ZBTB7C: variants seen among roughly 807,000 people sequenced by gnomAD.
ZBTB7C encodes zinc finger and BTB domain containing 7C.
ZBTB7C carries 8 observed loss-of-function variants against 25.7 expected under a neutral mutation model. The observed-to-expected ratio is 0.31, with a 90% CI of 0.18 to 0.56. The LOEUF is 0.56. ZBTB7C is among the 20% of genes least tolerant of loss of function. The pLI is 0.91. For missense variants in ZBTB7C, 824 were observed against 855.2 expected, an observed-to-expected ratio of 0.96 and a Z score of 0.46; for synonymous variants, 394 against 369.0, an observed-to-expected ratio of 1.07 and a Z score of -0.78.
In ZBTB7C at chr18:48,338,276, G is replaced by A. The variant is rs531476293; in HGVS notation, c.-181C>T. ...AACGCCCAGGCTCCAGGTCTAATGGGCGTGGATTCTGCTCATGCCTCAGGC... is the reference window on the plus strand; with the variant it reads ...AACGCCCAGGCTCCAGGTCTAATGGACGTGGATTCTGCTCATGCCTCAGGC... On this transcript the variant is annotated 5_prime_UTR_variant, in exon 2 of 5. Coordinates refer to ENST00000590800, the MANE Select transcript of ZBTB7C (RefSeq NM_001318841.2). 19 of 152,386 alleles carry A rather than the reference G, an allele frequency of 1.2e-4. No homozygotes were observed. The highest frequency in any genetic ancestry group is 3.6e-4 in the African/African-American group (15 of 41,558). 9.4% of individuals were successfully genotyped at this position (152,386 alleles called of 1,614,324 possible). A position where few individuals can be genotyped will look rare whatever the true frequency, so the allele number is the denominator to read the frequency against.
chr18:48,244,445 CTTAA>C (rs2043621311), intron 2 of ZBTB7C, among the ~76,000 whole-genome samples: 1 of 151,876 alleles, frequency 6.6e-6, no homozygotes, highest in African/African-American at 2.4e-5. Flanking sequence ...ATAGATGGGA[CTTAA>C]TTAAACTAAA....
At chr18:48,136,990 G>T (rs1050803146) in intron 3 of ZBTB7C, 54 of 984,980 alleles carry the variant, frequency 5.5e-5, no homozygotes, top group Non-Finnish European at 6.4e-5. Context: ...GGCGGGCCGA[G>T]GCCGCCGCAG....
intron 1 of ZBTB7C, among the ~76,000 whole-genome samples, chr18:48,399,652 C>T (rs2048114651): frequency 6.6e-6 from 1 of 152,180 alleles, no homozygotes. Flanking sequence ...AGGCAAGCCC[C>T]TTTCCTGTCT....
chr18:48,200,113 T>C (rs1247632040), intron 2 of ZBTB7C, among the ~76,000 whole-genome samples: 1 of 152,100 alleles, frequency 6.6e-6, no homozygotes, highest in African/African-American at 2.4e-5. Context: ...GCCAGTATTC[T>C]TGGAGCCCAG....
intron 3 of ZBTB7C, among the ~76,000 whole-genome samples, chr18:48,082,849 C>T (rs1321259000): frequency 1.3e-5 from 2 of 152,160 alleles, no homozygotes; most frequent in African/African-American, 4.8e-5. Flanking sequence ...CAACTGCCCT[C>T]CACAGGAAGG....
At chr18:48,277,872 C>T (rs920253770) in intron 2 of ZBTB7C, among the ~76,000 whole-genome samples, 5 of 151,594 alleles carry the variant, frequency 3.3e-5, no homozygotes, top group Admixed American at 6.6e-5. Flanking sequence ...TTCCTTTGCG[C>T]CAGATAGCAG....
At chr18:48,186,216 C>T (rs1370780430) in intron 2 of ZBTB7C, among the ~76,000 whole-genome samples, 3 of 152,194 alleles carry the variant, frequency 2.0e-5, no homozygotes, top group Non-Finnish European at 2.9e-5. Context: ...CGCTGCCTCC[C>T]TCTCCCTCCC....
chr18:48,110,475 C>A (rs530577937), intron 3 of ZBTB7C, among the ~76,000 whole-genome samples: 12 of 152,178 alleles, frequency 7.9e-5, no homozygotes, highest in Non-Finnish European at 1.3e-4. Context: ...AGTTATGAGG[C>A]TGATAATAAG....
chr18:48,234,337 A>G (rs1469446500), intron 2 of ZBTB7C, among the ~76,000 whole-genome samples: 1 of 152,204 alleles, frequency 6.6e-6, no homozygotes, highest in African/African-American at 2.4e-5. Flanking sequence ...AATTTTAATA[A>G]AAAATAAGAC....
chr18:48,246,787 C>T (rs904284648), intron 2 of ZBTB7C, among the ~76,000 whole-genome samples: 1 of 152,090 alleles, frequency 6.6e-6, no homozygotes, highest in Non-Finnish European at 1.5e-5. Context: ...GGTGCTTTGA[C>T]ACCCCCCATC....
chr18:48,305,010 G>A (rs2045637560), intron 2 of ZBTB7C, among the ~76,000 whole-genome samples: 1 of 152,124 alleles, frequency 6.6e-6, no homozygotes, highest in Non-Finnish European at 1.5e-5. Context: ...TTAATTAGCT[G>A]TGCTCTCATT....
intron 2 of ZBTB7C, among the ~76,000 whole-genome samples, chr18:48,334,376 G>C (rs1402640771): frequency 6.6e-6 from 1 of 152,180 alleles, no homozygotes; most frequent in Non-Finnish European, 1.5e-5. Flanking sequence ...GGAACACCTA[G>C]TTGAGTCCTA....
chr18:48,083,948 A>C, intron 3 of ZBTB7C: 1 of 945,370 alleles, frequency 1.1e-6, no homozygotes, highest in Non-Finnish European at 1.3e-6. Flanking sequence ...TTTAAACACG[A>C]CCTGAGACCG....
At chr18:48,376,201 T>C (rs2047514912) in intron 1 of ZBTB7C, among the ~76,000 whole-genome samples, 1 of 152,262 alleles carries the variant, frequency 6.6e-6, no homozygotes, top group South Asian at 2.1e-4. Flanking sequence ...TAAGTTGTTG[T>C]GACTGACACT....
chr18:48,395,550 C>A (rs765007971), intron 1 of ZBTB7C, among the ~76,000 whole-genome samples: 1 of 151,332 alleles, frequency 6.6e-6, no homozygotes, highest in Non-Finnish European at 1.5e-5. Flanking sequence ...GTGTTCTATG[C>A]GAATGCTTTA....
chr18:48,119,001 A>G (rs563380068), intron 3 of ZBTB7C, among the ~76,000 whole-genome samples: 1 of 152,204 alleles, frequency 6.6e-6, no homozygotes, highest in East Asian at 1.9e-4. Flanking sequence ...AAATTATTTT[A>G]TAACTAAAAA....
intron 3 of ZBTB7C, among the ~76,000 whole-genome samples, chr18:48,106,041 A>G (rs1174414986): frequency 6.6e-6 from 1 of 152,268 alleles, no homozygotes; most frequent in African/African-American, 2.4e-5. Context: ...AGAAATGGGA[A>G]ACATTTCACT....
intron 2 of ZBTB7C, among the ~76,000 whole-genome samples, chr18:48,290,935 A>C (rs1485743714): frequency 6.6e-6 from 1 of 152,252 alleles, no homozygotes; most frequent in African/African-American, 2.4e-5. Context: ...ATCTCTTGCT[A>C]GGATTTGTGG....
chr18:48,338,937 C>A (rs1416154132), intron 1 of ZBTB7C, among the ~76,000 whole-genome samples: 1 of 151,340 alleles, frequency 6.6e-6, no homozygotes, highest in Non-Finnish European at 1.5e-5. Flanking sequence ...AGGTAGGACA[C>A]CCCACCTATG....
Sources: allele counts gnomAD v4.1 joint callset (sites outside exome capture counted in the v4.1 genomes callset), GRCh38; gene constraint gnomAD v4.1.1; transcripts MANE v1.5; gene names NCBI Gene and HGNC (gene_info 2026-07-23, HGNC 2026-07-21).